ELMO1: variants seen among roughly 807,000 people sequenced by gnomAD.
ELMO1 encodes the protein engulfment and cell motility protein 1.
ELMO1 carries 26 observed loss-of-function variants against 98.9 expected under a neutral mutation model. The observed-to-expected ratio is 0.26, with a 90% CI of 0.19 to 0.36. The LOEUF is 0.36. Ranked by LOEUF, ELMO1 falls within the 10% of genes least tolerant of loss-of-function variation. The pLI is 1.00. For synonymous variants in ELMO1, 346 were observed against 346.0 expected (o/e 1.00, Z 0.00); for missense variants, 627 against 935.2 (o/e 0.67, Z 4.30).
At chr7:36,907,523 T>A (rs1784051075) in intron 16 of ELMO1, among the ~76,000 whole-genome samples, 3 of 152,204 alleles carry the variant, frequency 2.0e-5, no homozygotes, top group African/African-American at 7.2e-5. Flanking sequence ...GGACAGTTCC[T>A]CAGTCGTGTG....
At chr7:37,204,629 C>A (rs6462741) in intron 13 of ELMO1, among the ~76,000 whole-genome samples, 70,179 of 151,986 alleles carry the variant, frequency 0.46, 17,563 homozygotes, top group African/African-American at 0.67. Context: ...TTTTTCCCTT[C>A]TTTGGCCCCG....
chr7:37,156,345 T>A (rs1230787519), intron 13 of ELMO1, among the ~76,000 whole-genome samples: 1 of 151,670 alleles, frequency 6.6e-6, no homozygotes, highest in Non-Finnish European at 1.5e-5. Flanking sequence ...GAGACAGAGA[T>A]ACAAAAAAAC....
chr7:37,320,362 G>A (rs573412756), intron 2 of ELMO1, among the ~76,000 whole-genome samples: 2 of 151,360 alleles, frequency 1.3e-5, no homozygotes, highest in Non-Finnish European at 2.9e-5. Flanking sequence ...CTACTATTCT[G>A]TACACGTTCC....
chr7:37,448,628 A>T (rs903101836), intron 1 of ELMO1, 47 bp downstream of exon 1: 1 of 152,068 alleles, frequency 6.6e-6, no homozygotes, highest in Non-Finnish European at 1.5e-5. Context: ...TGCCGCGCCG[A>T]GGTCAGCGAG....
Position 37,192,390 on chromosome 7 carries a change from G to A in ELMO1, c.1086+18996C>T, listed in dbSNP as rs1791641421. Among the ~76,000 whole-genome samples, 6 of 151,196 alleles carry A rather than the reference G, an allele frequency of 4.0e-5. No individual in the cohort carries two copies. The South Asian group carries it at 1.0e-3, about 26-fold the overall frequency. On this transcript the variant is annotated intron_variant, in intron 13 of 21. Coordinates refer to ENST00000310758, the MANE Select transcript of ELMO1 (RefSeq NM_014800.11). ...CATGCCTGTAGTCCCAGCTACTCGG[G>A]AGGCTGAGGCAGTAGAATCGCTTGA... is the stretch of plus-strand genomic sequence containing the variant.
chr7:37,197,863 C>T (rs1792063676), intron 13 of ELMO1, among the ~76,000 whole-genome samples: 1 of 152,202 alleles, frequency 6.6e-6, no homozygotes, highest in Non-Finnish European at 1.5e-5. Flanking sequence ...GACCCCATCA[C>T]CACTCAGCCC....
At position 37,282,894 on chromosome 7, in the gene ELMO1, G is replaced by A. The variant is rs549878433; in HGVS notation, c.193-11012C>T. Among the ~76,000 whole-genome samples, 18 of 152,116 alleles carry A rather than the reference G, an allele frequency of 1.2e-4. No individual in the cohort carries two copies. In the South Asian group the frequency reaches 2.7e-3, roughly 23 times the overall value. On this transcript the variant is annotated intron_variant, in intron 4 of 21. Transcript: ENST00000310758. ...CATTTTCAGCTGTTGTCTTTTTCTCGCATCATTTCACTTTCCACAGGACCC... is the reference window on the plus strand; with the variant it reads ...CATTTTCAGCTGTTGTCTTTTTCTCACATCATTTCACTTTCCACAGGACCC...
chr7:36,993,256 A>G (rs769887173), intron 16 of ELMO1, among the ~76,000 whole-genome samples: 27 of 152,170 alleles, frequency 1.8e-4, no homozygotes, highest in Non-Finnish European at 3.8e-4. Context: ...TCACCATATG[A>G]AATTCTAGGG....
intron 1 of ELMO1, among the ~76,000 whole-genome samples, chr7:37,389,485 T>A (rs1206665251): frequency 2.0e-5 from 3 of 152,246 alleles, no homozygotes; most frequent in Admixed American, 6.5e-5. Flanking sequence ...TAGACCAGTA[T>A]GTCTATTTCC....
chr7:36,865,444 A>G (rs892643728), intron 20 of ELMO1, among the ~76,000 whole-genome samples: 4 of 152,214 alleles, frequency 2.6e-5, no homozygotes, highest in African/African-American at 9.6e-5. Context: ...TCAGGCAGTT[A>G]CAACTCTCCA....
intron 1 of ELMO1, among the ~76,000 whole-genome samples, chr7:37,358,489 T>C (rs1308115116): frequency 6.6e-6 from 1 of 152,050 alleles, no homozygotes; most frequent in Non-Finnish European, 1.5e-5. Flanking sequence ...CCCAGAAAAA[T>C]ACCAGATATT....
chr7:37,439,750 T>A (rs1805314359), intron 1 of ELMO1, among the ~76,000 whole-genome samples: 1 of 152,226 alleles, frequency 6.6e-6, no homozygotes, highest in Non-Finnish European at 1.5e-5. Context: ...AACCTTCAGT[T>A]GGAGAATGGA....
intron 13 of ELMO1, among the ~76,000 whole-genome samples, chr7:37,179,721 T>A (rs1790726507): frequency 6.6e-6 from 1 of 152,230 alleles, no homozygotes; most frequent in Non-Finnish European, 1.5e-5. Flanking sequence ...AAGAATCACT[T>A]CCTTGGATCT....
intron 4 of ELMO1, among the ~76,000 whole-genome samples, chr7:37,272,149 C>A (rs1278562921): frequency 1.3e-5 from 2 of 152,136 alleles, no homozygotes; most frequent in Non-Finnish European, 2.9e-5. Flanking sequence ...GGGCATATGA[C>A]CTGACTCCTA....
chr7:37,315,924 C>A lies in ELMO1; in HGVS notation c.115G>T (p.Asp39Tyr), dbSNP rs1470051272. ...PLSAIIKEVC[D>Y]GWSLANHEYF... Reference sequence around the variant, plus strand: ...TAAATCCTGAGTAACACTTACCCATCACAGACTTCCTTTATTATTGCAGAC... The same window carrying A: ...TAAATCCTGAGTAACACTTACCCATAACAGACTTCCTTTATTATTGCAGAC... The change falls in exon 3 of 22, where the codon GAT becomes TAT. Residue 39 changes from aspartate (D) to tyrosine (Y), a missense_variant. By Grantham distance (160) the Asp-to-Tyr change is radical. Coordinates refer to ENST00000310758, the MANE Select transcript of ELMO1 (RefSeq NM_014800.11). 1 of 1,602,388 alleles carries A rather than the reference C, an allele frequency of 6.2e-7. No individual in the cohort carries two copies. The highest frequency in any genetic ancestry group is 8.5e-7 in the Non-Finnish European group (1 of 1,177,042).
chr7:37,227,609 C>T (rs1584840060), intron 8 of ELMO1, among the ~76,000 whole-genome samples: 1 of 152,138 alleles, frequency 6.6e-6, no homozygotes, highest in East Asian at 1.9e-4. Flanking sequence ...TGATATCGAA[C>T]TCCTGACCTC....
intron 15 of ELMO1, among the ~76,000 whole-genome samples, chr7:37,074,415 C>T (rs1308105052): frequency 6.6e-6 from 1 of 152,134 alleles, no homozygotes; most frequent in Non-Finnish European, 1.5e-5. Context: ...TAAGAAATAA[C>T]TCATGATTCA....
chr7:36,864,071 T>C (rs996855826), intron 20 of ELMO1, among the ~76,000 whole-genome samples: 1 of 152,146 alleles, frequency 6.6e-6, no homozygotes, highest in Non-Finnish European at 1.5e-5. Flanking sequence ...GTAAAGTTCA[T>C]CCAGGCCCCT....
intron 7 of ELMO1, among the ~76,000 whole-genome samples, chr7:37,234,190 C>A (rs1369792266): frequency 6.6e-6 from 1 of 152,110 alleles, no homozygotes; most frequent in African/African-American, 2.4e-5. Context: ...TATGTAACAG[C>A]ACTGATTCCT....
Sources: gnomAD v4.1 joint callset for allele counts (sites outside exome capture counted in the v4.1 genomes callset) on GRCh38, gnomAD v4.1.1 for gene constraint, MANE v1.5 for transcripts, NCBI Gene and HGNC (gene_info 2026-07-23, HGNC 2026-07-21) for gene names.